The following ZNF385D variants were observed in gnomAD, a reference collection of about 807,000 sequenced individuals.
ZNF385D encodes zinc finger protein 659.
ZNF385D carries 15 observed loss-of-function variants against 35.8 expected under a neutral mutation model. The ratio of observed to expected loss-of-function variants is 0.42; its 90% CI spans 0.28 to 0.64. The LOEUF (loss-of-function observed/expected upper bound fraction) is 0.64, where lower values mean the gene tolerates loss of function less well. Among genes scored for constraint, ZNF385D ranks in the 30% least tolerant of loss-of-function variants. The pLI, the probability that ZNF385D is intolerant of heterozygous loss-of-function variation, is 0.23. For synonymous variants in ZNF385D, 212 were observed against 186.8 expected (o/e 1.13, Z -1.10); for missense variants, 474 against 494.6 (o/e 0.96, Z 0.39).
intron 3 of ZNF385D, among the ~76,000 whole-genome samples, chr3:21,787,479 A>G (rs926312945): frequency 6.6e-6 from 1 of 152,116 alleles, no homozygotes; most frequent in African/African-American, 2.4e-5. Context: ...TCCAGATGCT[A>G]ATATCCAGCA....
intron 3 of ZNF385D, among the ~76,000 whole-genome samples, chr3:21,908,627 GT>G (rs1253473661): frequency 1.3e-5 from 2 of 152,088 alleles, no homozygotes; most frequent in African/African-American, 4.8e-5. Context: ...GATGGAACCT[GT>G]AAGTCAGGAC....
chr3:22,279,945 C>G (rs1319012235), intron 2 of ZNF385D, among the ~76,000 whole-genome samples: 1 of 151,958 alleles, frequency 6.6e-6, no homozygotes, highest in African/African-American at 2.4e-5. Flanking sequence ...ATGCCAACAT[C>G]CATTATTTTT....
intron 1 of ZNF385D, among the ~76,000 whole-genome samples, chr3:21,683,921 A>G (rs1229484022): frequency 1.3e-5 from 2 of 150,210 alleles, no homozygotes; most frequent in Non-Finnish European, 3.0e-5. Context: ...AGTCCAGCCA[A>G]CATCTTCATT....
chr3:21,525,684 C>CAAAAAAAAAAAAAA (rs11308733), intron 3 of ZNF385D, among the ~76,000 whole-genome samples: 1 of 88,414 alleles, frequency 1.1e-5, no homozygotes, highest in African/African-American at 4.3e-5. Flanking sequence ...AATTCCATCT[C>CAAAAAAAAAAAAAA]AAAAAAAAAA....
intron 3 of ZNF385D, among the ~76,000 whole-genome samples, chr3:22,143,206 C>A (rs532086006): frequency 6.6e-6 from 1 of 151,932 alleles, no homozygotes; most frequent in East Asian, 2.0e-4. Context: ...CCTCAGCCTC[C>A]GGAGTAGCAG....
At chr3:21,857,246 G>A (rs1479993533) in intron 3 of ZNF385D, among the ~76,000 whole-genome samples, 1 of 152,020 alleles carries the variant, frequency 6.6e-6, no homozygotes, top group East Asian at 1.9e-4. Context: ...TATTTTTATT[G>A]ATGGTTTCTG....
chr3:21,578,029 G>A (rs1300115508), intron 2 of ZNF385D, among the ~76,000 whole-genome samples: 2 of 151,832 alleles, frequency 1.3e-5, no homozygotes, highest in Non-Finnish European at 2.9e-5. Flanking sequence ...TGCCCAGGAT[G>A]ACCTCAAACT....
At chr3:22,248,245 T>C (rs1441446227) in intron 2 of ZNF385D, among the ~76,000 whole-genome samples, 2 of 152,168 alleles carry the variant, frequency 1.3e-5, no homozygotes, top group Non-Finnish European at 1.5e-5. Context: ...GCAAGGCAGG[T>C]AGTGACCACA....
intron 1 of ZNF385D, among the ~76,000 whole-genome samples, chr3:21,722,429 G>A (rs1227365058): frequency 6.6e-6 from 1 of 152,108 alleles, no homozygotes. Flanking sequence ...GGTCTTGTTT[G>A]CCTTGCTCTT....
chr3:21,572,289 T>C (rs892226279), intron 2 of ZNF385D, among the ~76,000 whole-genome samples: 1 of 152,210 alleles, frequency 6.6e-6, no homozygotes, highest in Non-Finnish European at 1.5e-5. Flanking sequence ...GTACTTTTGA[T>C]ACATAATTTT....
chr3:21,599,710 A>C (rs1465067693), intron 2 of ZNF385D, among the ~76,000 whole-genome samples: 1 of 152,264 alleles, frequency 6.6e-6, no homozygotes, highest in Non-Finnish European at 1.5e-5. Context: ...TGAAGATTTA[A>C]AAATCTCCAA....
rs144365740 is a variant in ZNF385D, at chr3:22,065,787, C to A, written c.325+103030G>T. Among the ~76,000 whole-genome samples the A allele has an allele frequency of 5.9e-5, 9 of 152,192 alleles. No individual in the cohort carries two copies. The East Asian group carries it at 1.7e-3, about 29-fold the overall frequency. Reference sequence around the variant, plus strand: ...TATCATGACTTAAGGGCACCAGTGGCCACAAATTGTGTAAGTCATAAAATA... The same window carrying A: ...TATCATGACTTAAGGGCACCAGTGGACACAAATTGTGTAAGTCATAAAATA... On this transcript the variant is annotated intron_variant, in intron 3 of 5. Transcript: ENST00000494108.
chr3:22,317,085 C>T (rs192155529), intron 2 of ZNF385D, among the ~76,000 whole-genome samples: 2 of 151,830 alleles, frequency 1.3e-5, no homozygotes, highest in African/African-American at 4.8e-5. Context: ...CCAGACCAGC[C>T]TGACCAACAT....
chr3:21,999,937 G>T (rs576179245), intron 3 of ZNF385D, among the ~76,000 whole-genome samples: 1 of 152,064 alleles, frequency 6.6e-6, no homozygotes, highest in Non-Finnish European at 1.5e-5. Context: ...TAGCTAACAA[G>T]TTCTCAAGTT....
At chr3:21,440,860 A>T (rs1181423798) in intron 4 of ZNF385D, among the ~76,000 whole-genome samples, 1 of 152,130 alleles carries the variant, frequency 6.6e-6, no homozygotes, top group African/African-American at 2.4e-5. Context: ...TAGTTTTCTT[A>T]ATTTTTAGAT....
At chr3:22,075,452 A>G (rs950931852) in intron 3 of ZNF385D, among the ~76,000 whole-genome samples, 30 of 152,008 alleles carry the variant, frequency 2.0e-4, no homozygotes, top group Middle Eastern at 6.8e-3. Flanking sequence ...ATATTGCCAG[A>G]GCCAAATGAT....
intron 2 of ZNF385D, among the ~76,000 whole-genome samples, chr3:22,275,566 TA>T (rs1441004392): frequency 6.6e-6 from 1 of 152,142 alleles, no homozygotes; most frequent in Non-Finnish European, 1.5e-5. Context: ...GCTTACCATT[TA>T]AAAAGTTAAA....
At chr3:21,471,295 T>A (rs435354) in intron 4 of ZNF385D, among the ~76,000 whole-genome samples, 2,160 of 86,120 alleles carry the variant, frequency 0.025, 41 homozygotes, top group African/African-American at 0.044. Flanking sequence ...TCTCTCTCTC[T>A]CACACACACA....
At chr3:22,133,739 C>T (rs1380682165) in intron 3 of ZNF385D, 6 of 151,714 alleles carry the variant, frequency 4.0e-5, no homozygotes, top group Non-Finnish European at 8.8e-5. Context: ...ACACAGAGAC[C>T]TCAGTACTCA....
Sources: allele counts gnomAD v4.1 joint callset (sites outside exome capture counted in the v4.1 genomes callset), GRCh38; gene constraint gnomAD v4.1.1; transcripts MANE v1.5; gene names NCBI Gene and HGNC (gene_info 2026-07-23, HGNC 2026-07-21).